The following RANBP2 variants were observed in gnomAD, a reference collection of about 807,000 sequenced individuals.
The protein encoded by RANBP2 is RAN binding protein 2.
A neutral mutation model predicts 303.6 loss-of-function variants in RANBP2; 57 were observed. The ratio of observed to expected loss-of-function variants is 0.19; its 90% confidence interval spans 0.15 to 0.23. The LOEUF (loss-of-function observed/expected upper bound fraction) is 0.23. Among genes scored for constraint, RANBP2 ranks in the 10% least tolerant of loss-of-function variants. The pLI is 1.00. For missense variants in RANBP2, 3,138 were observed against 3,780.8 expected (o/e 0.83, Z 4.46); for synonymous variants, 1,167 against 1,301.5 (o/e 0.90, Z 2.23).
rs530902458 is a variant in RANBP2 at position 108,725,267 on chromosome 2, G to C, written c.73-3865G>C. Among the ~76,000 whole-genome samples the C allele has an allele frequency of 2.6e-5, 4 of 152,314 alleles. No homozygotes were observed. In the East Asian group the frequency reaches 5.8e-4, roughly 22 times the overall value. On this transcript the variant is annotated intron_variant, in intron 1 of 28. Transcript: ENST00000283195. ...TCCTAGCTGTGTATCTTTAAACAAG[G>C]CATTTACCTGCTTGAGCTTCAGTTC...
chr2:109,090,482 G>A, the RANBP2 span, among the ~76,000 whole-genome samples: 1 of 151,972 alleles, frequency 6.6e-6, no homozygotes, highest in Non-Finnish European at 1.5e-5. Context: ...CTTTACAAGG[G>A]AATGAGAATC....
At chr2:108,995,229 C>T in the RANBP2 span, among the ~76,000 whole-genome samples, 2 of 152,086 alleles carry the variant, frequency 1.3e-5, no homozygotes, top group African/African-American at 4.8e-5. Flanking sequence ...AGTGAGACTG[C>T]GGCTCACTGC....
chr2:109,715,303 T>G, the RANBP2 span, among the ~76,000 whole-genome samples: 2 of 151,908 alleles, frequency 1.3e-5, no homozygotes, highest in African/African-American at 4.8e-5. Context: ...AGACTGGATT[T>G]CATCATGTTG....
At chr2:109,245,633 G>A in the RANBP2 span, among the ~76,000 whole-genome samples, 6 of 152,256 alleles carry the variant, frequency 3.9e-5, no homozygotes, top group East Asian at 1.2e-3. Context: ...ATAACTTTAC[G>A]AGTTTTCATA....
chr2:109,682,719 T>G, the RANBP2 span, among the ~76,000 whole-genome samples: 2 of 152,312 alleles, frequency 1.3e-5, no homozygotes, highest in East Asian at 3.9e-4. Context: ...GCAGGAAGAC[T>G]GCTTGAGGCC....
At chr2:109,744,935 G>A in the RANBP2 span, among the ~76,000 whole-genome samples, 1 of 4,968 alleles carries the variant, frequency 2.0e-4, no homozygotes, top group African/African-American at 4.2e-4. Context: ...ATCCAAAGAA[G>A]TTGTAAATTT....
the RANBP2 span, among the ~76,000 whole-genome samples, chr2:109,562,874 C>T: frequency 9.2e-5 from 14 of 151,832 alleles, no homozygotes; most frequent in Admixed American, 1.3e-4. Flanking sequence ...GCATCCTATG[C>T]CTGAATTTGG....
At chr2:109,552,205 C>T in the RANBP2 span, among the ~76,000 whole-genome samples, 5 of 152,244 alleles carry the variant, frequency 3.3e-5, no homozygotes, top group East Asian at 1.9e-4. Flanking sequence ...TCCCCTGGTC[C>T]GTGGAAAAAC....
the RANBP2 span, among the ~76,000 whole-genome samples, chr2:109,260,351 C>G: frequency 6.6e-6 from 1 of 152,152 alleles, no homozygotes; most frequent in African/African-American, 2.4e-5. Flanking sequence ...GACCTGTGAC[C>G]CGAGGTCAGG....
the RANBP2 span, among the ~76,000 whole-genome samples, chr2:109,500,067 A>G: frequency 1.3e-5 from 2 of 152,064 alleles, no homozygotes; most frequent in African/African-American, 2.4e-5. Context: ...AAGTCAGGAG[A>G]CAGTGTGTGG....
chr2:109,640,062 A>G, the RANBP2 span, among the ~76,000 whole-genome samples: 29 of 151,950 alleles, frequency 1.9e-4, no homozygotes, highest in African/African-American at 7.0e-4. Flanking sequence ...CTTCTCCGCA[A>G]AGCTGTGAAT....
At chr2:109,320,623 A>G in the RANBP2 span, among the ~76,000 whole-genome samples, 36 of 152,384 alleles carry the variant, frequency 2.4e-4, no homozygotes, top group African/African-American at 7.7e-4. Flanking sequence ...CACCAAAATC[A>G]GTGCTGGATT....
chr2:109,734,879 GTC>G, the RANBP2 span, among the ~76,000 whole-genome samples: 1 of 152,000 alleles, frequency 6.6e-6, no homozygotes, highest in African/African-American at 2.4e-5. Context: ...ATTTTTAATT[GTC>G]ACATAATGAT....
the RANBP2 span, among the ~76,000 whole-genome samples, chr2:108,990,288 G>A: frequency 2.0e-5 from 3 of 151,518 alleles, no homozygotes; most frequent in Non-Finnish European, 4.4e-5. Flanking sequence ...AAAATTAGCC[G>A]GGCGTGGTGG....
chr2:108,818,513 T>C, the RANBP2 span, among the ~76,000 whole-genome samples: 1 of 152,182 alleles, frequency 6.6e-6, no homozygotes, highest in African/African-American at 2.4e-5. Context: ...TTAATTACTA[T>C]ATAATAATAA....
At chr2:109,529,551 A>C in the RANBP2 span, among the ~76,000 whole-genome samples, 2 of 152,198 alleles carry the variant, frequency 1.3e-5, no homozygotes, top group Admixed American at 1.3e-4. Flanking sequence ...GGTCCTGAGG[A>C]GCCAAGGACA....
At chr2:108,740,706 A>G (rs762196475) in intron 7 of RANBP2, 25 bp downstream of exon 7, 1 of 1,597,454 alleles carries the variant, frequency 6.3e-7, no homozygotes, top group East Asian at 2.2e-5. Flanking sequence ...TGTAGGAGCA[A>G]TTGACATTTC....
At chr2:109,254,742 A>G in the RANBP2 span, among the ~76,000 whole-genome samples, 1 of 152,062 alleles carries the variant, frequency 6.6e-6, no homozygotes, top group East Asian at 1.9e-4. Context: ...GGAGCCTCTC[A>G]TTGCCGGGAC....
At chr2:109,541,038 A>G in the RANBP2 span, among the ~76,000 whole-genome samples, 1 of 152,204 alleles carries the variant, frequency 6.6e-6, no homozygotes, top group African/African-American at 2.4e-5. Flanking sequence ...TGGTTGTCAT[A>G]CCTGTGCTAT....
Sources: allele counts gnomAD v4.1 joint callset (sites outside exome capture counted in the v4.1 genomes callset), GRCh38; gene constraint gnomAD v4.1.1; transcripts MANE v1.5; gene names NCBI Gene and HGNC (gene_info 2026-07-23, HGNC 2026-07-21).